Variants in SPOCK1 observed in about 807,000 individuals in gnomAD.
The protein encoded by SPOCK1 is testican-1.
A neutral mutation model predicts 55.3 loss-of-function variants in SPOCK1; 23 were observed. The observed-to-expected ratio is 0.42, with a 90% CI of 0.30 to 0.59. The LOEUF (loss-of-function observed/expected upper bound fraction) is 0.59, where lower values mean the gene tolerates loss of function less well. Ranked by LOEUF, SPOCK1 falls within the 20% of genes least tolerant of loss-of-function variation. The pLI, the probability that SPOCK1 is intolerant of heterozygous loss-of-function variation, is 0.22. For synonymous variants in SPOCK1, 226 were observed against 221.0 expected, an observed-to-expected ratio of 1.02 and a Z score of -0.20; for missense variants, 499 against 552.5, an observed-to-expected ratio of 0.90 and a Z score of 0.97.
intron 3 of SPOCK1, among the ~76,000 whole-genome samples, chr5:137,185,660 T>C (rs1411327193): frequency 1.3e-5 from 2 of 151,408 alleles, no homozygotes; most frequent in Non-Finnish European, 3.0e-5. Flanking sequence ...GCAGAGAACA[T>C]GGTGGGATGG....
intron 2 of SPOCK1, among the ~76,000 whole-genome samples, chr5:137,445,546 G>A (rs1329011315): frequency 6.6e-6 from 1 of 152,190 alleles, no homozygotes; most frequent in Non-Finnish European, 1.5e-5. Context: ...GTGTAAATGA[G>A]GAAAGGGAAG....
Position 137,267,001 on chromosome 5 carries a change from A to T in SPOCK1, c.232+9T>A, listed in dbSNP as rs768143846. 6.2e-7 allele frequency: 1 copy of T among 1,610,684 alleles called. No individual in the cohort carries two copies. The highest frequency in any genetic ancestry group is 1.7e-5 in the Admixed American group (1 of 59,972). ...CAGACTATACAGCAAGAAATATTGCATCCATTACCTTGGTCAAAGGGCTTG... is the reference window on the plus strand; with the variant it reads ...CAGACTATACAGCAAGAAATATTGCTTCCATTACCTTGGTCAAAGGGCTTG... On this transcript the variant is annotated intron_variant, in intron 3 of 10. Transcript: ENST00000394945.
rs1754572287 is a variant in SPOCK1, at chr5:137,162,232, G to C, written c.233-21538C>G. Reference sequence around the variant, plus strand: ...GGCTCACTGCAACCTCCACCTCCAGGATTCAAGCAATTCTCCTGCCTCATT... The same window carrying C: ...GGCTCACTGCAACCTCCACCTCCAGCATTCAAGCAATTCTCCTGCCTCATT... On this transcript the variant is annotated intron_variant, in intron 3 of 10. Coordinates refer to ENST00000394945, the MANE Select transcript of SPOCK1 (RefSeq NM_004598.4). Among the ~76,000 whole-genome samples the C allele has an allele frequency of 2.0e-5, 3 of 151,274 alleles. No individual in the cohort carries two copies. In the South Asian group the frequency reaches 6.3e-4, roughly 32 times the overall value.
chr5:137,364,633 C>A (rs1242769530), intron 2 of SPOCK1, among the ~76,000 whole-genome samples: 1 of 152,152 alleles, frequency 6.6e-6, no homozygotes, highest in African/African-American at 2.4e-5. Context: ...CCCTAACAAA[C>A]AACTACAGTG....
In SPOCK1 at chr5:137,443,248, C is replaced by G. The variant is rs979575047; in HGVS notation, c.186+55125G>C. Reference sequence around the variant, plus strand: ...AAAGTGAGGGACCTGGAGTTCTCAGCATAGTATGTGAATCATAGCAGACCT... The same window carrying G: ...AAAGTGAGGGACCTGGAGTTCTCAGGATAGTATGTGAATCATAGCAGACCT... On this transcript the variant is annotated intron_variant, in intron 2 of 10. Transcript: ENST00000394945. Among the ~76,000 whole-genome samples the G allele has an allele frequency of 2.6e-5, 4 of 152,194 alleles. No homozygotes were observed. In the East Asian group the frequency reaches 7.7e-4, roughly 29 times the overall value.
chr5:137,230,115 T>C (rs141096672), intron 3 of SPOCK1, among the ~76,000 whole-genome samples: 1,915 of 152,368 alleles, frequency 0.013, 51 homozygotes, highest in African/African-American at 0.043. Context: ...CCATCTTTCT[T>C]TATATGCAAA....
At chr5:137,086,733 G>A (rs989144836) in intron 5 of SPOCK1, among the ~76,000 whole-genome samples, 3 of 152,224 alleles carry the variant, frequency 2.0e-5, no homozygotes, top group African/African-American at 7.2e-5. Context: ...CAGGATTATG[G>A]CAGACCTAAT....
intron 5 of SPOCK1, among the ~76,000 whole-genome samples, chr5:137,071,416 C>T (rs1297091558): frequency 6.6e-6 from 1 of 152,130 alleles, no homozygotes; most frequent in Non-Finnish European, 1.5e-5. Flanking sequence ...ATAGGGGTCA[C>T]CTCCCCAGGG....
intron 2 of SPOCK1, among the ~76,000 whole-genome samples, chr5:137,390,226 C>A (rs1751689371): frequency 6.6e-6 from 1 of 152,120 alleles, no homozygotes; most frequent in African/African-American, 2.4e-5. Flanking sequence ...TGGTCTGAAA[C>A]AAGGTCATGG....
intron 3 of SPOCK1, among the ~76,000 whole-genome samples, chr5:137,175,007 A>G (rs1480407160): frequency 6.6e-6 from 1 of 152,178 alleles, no homozygotes; most frequent in Non-Finnish European, 1.5e-5. Flanking sequence ...ACCACCACAC[A>G]TCTTTGCAGA....
intron 5 of SPOCK1, among the ~76,000 whole-genome samples, chr5:137,107,279 C>T (rs529357372): frequency 7.2e-5 from 11 of 152,252 alleles, no homozygotes; most frequent in Admixed American, 5.2e-4. Context: ...TAACTCAATA[C>T]ATATTTATTG....
chr5:137,179,050 G>C (rs1754916298), intron 3 of SPOCK1, among the ~76,000 whole-genome samples: 1 of 152,164 alleles, frequency 6.6e-6, no homozygotes, highest in African/African-American at 2.4e-5. Flanking sequence ...TGACTACAGA[G>C]TATTTCTAAG....
chr5:137,437,730 T>A (rs1169062391), intron 2 of SPOCK1, among the ~76,000 whole-genome samples: 1 of 152,258 alleles, frequency 6.6e-6, no homozygotes, highest in African/African-American at 2.4e-5. Flanking sequence ...GTCATTTACA[T>A]ATGCTAGAAA....
At chr5:137,057,416 T>C (rs927362049) in intron 6 of SPOCK1, among the ~76,000 whole-genome samples, 1 of 152,216 alleles carries the variant, frequency 6.6e-6, no homozygotes, top group Non-Finnish European at 1.5e-5. Context: ...CAACCAACTA[T>C]TGATTCTGAG....
At chr5:137,447,660 GTC>G (rs1227585776) in intron 2 of SPOCK1, among the ~76,000 whole-genome samples, 1 of 152,008 alleles carries the variant, frequency 6.6e-6, no homozygotes, top group African/African-American at 2.4e-5. Context: ...TCTCCCAGGG[GTC>G]TGAGAGCCAG....
At chr5:137,036,266 T>C (rs954210637) in intron 6 of SPOCK1, among the ~76,000 whole-genome samples, 6 of 143,130 alleles carry the variant, frequency 4.2e-5, no homozygotes, top group Non-Finnish European at 9.1e-5. Flanking sequence ...GATCACATAG[T>C]TCTGGATTTC....
chr5:137,303,406 A>G (rs1038080080), intron 2 of SPOCK1, among the ~76,000 whole-genome samples: 4 of 152,060 alleles, frequency 2.6e-5, no homozygotes, highest in South Asian at 4.2e-4. Flanking sequence ...ATTCTATGTG[A>G]TAAGTCTCTG....
intron 2 of SPOCK1, among the ~76,000 whole-genome samples, chr5:137,326,365 C>G (rs1229607939): frequency 1.3e-5 from 2 of 152,132 alleles, no homozygotes; most frequent in African/African-American, 4.8e-5. Flanking sequence ...GAATTGACCT[C>G]AGGTGAGCCT....
At chr5:137,052,627 A>G (rs899139828) in intron 6 of SPOCK1, among the ~76,000 whole-genome samples, 17 of 152,218 alleles carry the variant, frequency 1.1e-4, no homozygotes, top group Admixed American at 1.1e-3. Context: ...GAGAAGCTAA[A>G]TGTTCAATAA....
Sources: gnomAD v4.1 joint callset for allele counts (sites outside exome capture counted in the v4.1 genomes callset) on GRCh38, gnomAD v4.1.1 for gene constraint, MANE v1.5 for transcripts, NCBI Gene and HGNC (gene_info 2026-07-23, HGNC 2026-07-21) for gene names.